ANGPTL5: variants seen among roughly 807,000 people sequenced by gnomAD.
ANGPTL5 encodes angiopoietin-related protein 5.
Under a neutral mutation model 39.4 loss-of-function variants are expected in ANGPTL5, and 34 were observed. The observed-to-expected ratio is 0.86, with a 90% CI of 0.66 to 1.15. The LOEUF (loss-of-function observed/expected upper bound fraction) is 1.15. Ranked by LOEUF, ANGPTL5 falls within the 50% of genes most tolerant of loss-of-function variation. ANGPTL5 has a pLI of 0.00. For missense variants in ANGPTL5, 467 were observed against 457.5 expected, an observed-to-expected ratio of 1.02 and a Z score of -0.19; for synonymous variants, 146 against 152.1, an observed-to-expected ratio of 0.96 and a Z score of 0.29.
intron 7 of ANGPTL5, among the ~76,000 whole-genome samples, chr11:101,898,372 C>G (rs1302594017): frequency 6.6e-6 from 1 of 152,032 alleles, no homozygotes; most frequent in East Asian, 1.9e-4. Context: ...CTTCACATAC[C>G]TTGTAAGTTG....
chr11:101,898,708 T>A (rs1179898770), intron 7 of ANGPTL5, among the ~76,000 whole-genome samples: 1 of 152,212 alleles, frequency 6.6e-6, no homozygotes, highest in African/African-American at 2.4e-5. Flanking sequence ...AGAGAGGGCA[T>A]CCTTGTCTTG....
intron 6 of ANGPTL5, among the ~76,000 whole-genome samples, chr11:101,901,015 CTTTTTTTTTT>C (rs34425298): frequency 1.0e-5 from 1 of 98,658 alleles, no homozygotes; most frequent in Non-Finnish European, 1.9e-5. Context: ...GCACCCCCGG[CTTTTTTTTTT>C]TTTTTTTTTT....
At position 101,895,081 on chromosome 11, in the gene ANGPTL5, T is replaced by C. The variant is rs753998523; in HGVS notation, c.662-17A>G. On this transcript the variant is annotated splice_polypyrimidine_tract_variant and intron_variant, in intron 7 of 8. Coordinates refer to ENST00000334289, the MANE Select transcript of ANGPTL5 (RefSeq NM_178127.5). ...AAAATTCTCCTGTAAAAAAAATGCTTTGTTTTAATATATTTTAATACAAAT... is the reference window on the plus strand; with the variant it reads ...AAAATTCTCCTGTAAAAAAAATGCTCTGTTTTAATATATTTTAATACAAAT... 1.3e-5 allele frequency: 20 copies of C among 1,503,662 alleles called. No homozygotes were observed. The South Asian group carries it at 2.4e-4, about 18-fold the overall frequency. The allele number at this position is 1,503,662 out of a possible 1,614,324, so 93.1% of individuals were successfully genotyped here.
In ANGPTL5 at chr11:101,907,890, G is replaced by T. The variant is rs1233678967; in HGVS notation, c.20C>A (p.Ala7Asp). MMSPSQ[A>D]SLLFLNVCIF... Reference sequence around the variant, plus strand: ...ACATACATTTAAGAATAAGAGTGAGGCTTGGGATGGAGACATCATATTTTT... The same window carrying T: ...ACATACATTTAAGAATAAGAGTGAGTCTTGGGATGGAGACATCATATTTTT... Residue 7 changes from alanine to aspartate, a missense_variant, in exon 2 of 9, where the codon GCC (alanine) becomes GAC (aspartate). Transcript: ENST00000334289. 1.2e-6 allele frequency: 2 copies of T among 1,608,234 alleles called. No homozygotes were observed. The highest frequency in any genetic ancestry group is 1.1e-5 in the South Asian group (1 of 90,948).
chr11:101,900,901 G>A (rs1565339949), intron 6 of ANGPTL5, among the ~76,000 whole-genome samples: 1 of 151,478 alleles, frequency 6.6e-6, no homozygotes, highest in Non-Finnish European at 1.5e-5. Context: ...GCCCAGGCTG[G>A]AGTGCAGTGG....
In ANGPTL5 at chr11:101,905,574, C is replaced by T. The variant is rs968186445; in HGVS notation, c.345+170G>A. On this transcript the variant is annotated intron_variant, in intron 4 of 8. Transcript: ENST00000334289. ...TAGACCATACCCCTTGAATTAAGTTCGATTTTTTTACTGCTTTTTGTTTGC... is the reference window on the plus strand; with the variant it reads ...TAGACCATACCCCTTGAATTAAGTTTGATTTTTTTACTGCTTTTTGTTTGC... 3.4e-4 allele frequency among the ~76,000 whole-genome samples: 51 copies of T among 152,072 alleles called. 1 individual carries two copies. Among genetic ancestry groups the T allele is most frequent in the Non-Finnish European group, 2.9e-5 (2 of 67,990 alleles).
chr11:101,907,068 A>G, intron 3 of ANGPTL5, 35 bp downstream of exon 3: 1 of 1,438,216 alleles, frequency 7.0e-7, no homozygotes. Flanking sequence ...AATGAATCAT[A>G]TACTCTTATT....
At chr11:101,911,406 G>A (rs1408943835) in intron 1 of ANGPTL5, among the ~76,000 whole-genome samples, 1 of 152,016 alleles carries the variant, frequency 6.6e-6, no homozygotes, top group East Asian at 1.9e-4. Flanking sequence ...TTACAGGCGT[G>A]AGCCACCATG....
Position 101,904,891 on chromosome 11 carries a change from T to C in ANGPTL5, c.362A>G (p.Asn121Ser), listed in dbSNP as rs1939970884. The C allele has an allele frequency of 1.2e-6, 2 of 1,613,148 alleles. No individual in the cohort carries two copies. Among genetic ancestry groups the C allele is most frequent in the African/African-American group, 2.7e-5 (2 of 74,916 alleles). The change falls in exon 5 of 9, where the codon AAT becomes AGT. Residue 121 changes from asparagine (N) to serine (S), a missense_variant. By Grantham distance (46) the Asn-to-Ser change is conservative. Coordinates refer to ENST00000334289, the MANE Select transcript of ANGPTL5 (RefSeq NM_178127.5). ...YLSNQVNELM[N>S]RVLLLTTEVF... ...TTCTGTAGTCAAAAGGAGAACTCTATTCATGAGCTCGTTAACCTAAACACA... is the reference window on the plus strand; with the variant it reads ...TTCTGTAGTCAAAAGGAGAACTCTACTCATGAGCTCGTTAACCTAAACACA...
intron 7 of ANGPTL5, among the ~76,000 whole-genome samples, chr11:101,897,758 C>G (rs1269911485): frequency 6.6e-6 from 1 of 152,092 alleles, no homozygotes; most frequent in African/African-American, 2.4e-5. Context: ...GTTACTGTAG[C>G]CTTGTAGTAT....
Position 101,891,228 on chromosome 11 carries a change from A to T in ANGPTL5, c.*51T>A. ...CTAAGTGAAAAGATAAACTTTTAAA[A>T]ATCTTTAATATATTATCATTGTAGA... On this transcript the variant is annotated 3_prime_UTR_variant, in exon 9 of 9. Transcript: ENST00000334289. The T allele has an allele frequency of 3.3e-6, 5 of 1,497,692 alleles. No homozygotes were observed. Among genetic ancestry groups the T allele is most frequent in the Non-Finnish European group, 4.5e-6 (5 of 1,100,252 alleles). The allele number at this position is 1,497,692 out of a possible 1,614,324, so 92.8% of individuals were successfully genotyped here.
At chr11:101,915,365 C>A in intron 1 of ANGPTL5, 1 of 1,613,940 alleles carries the variant, frequency 6.2e-7, no homozygotes, top group Non-Finnish European at 8.5e-7. Flanking sequence ...ACAGAGCCCC[C>A]CTCGGCCCTC....
intron 6 of ANGPTL5, among the ~76,000 whole-genome samples, chr11:101,902,009 A>G (rs1240202093): frequency 1.3e-5 from 2 of 151,970 alleles, no homozygotes; most frequent in East Asian, 3.8e-4. Flanking sequence ...CATAGTCTCT[A>G]GTAGAAATTT....
intron 3 of ANGPTL5, 21 bp from the exon 4 acceptor site, chr11:101,905,868 G>T (rs558602393): frequency 2.2e-6 from 3 of 1,336,124 alleles, no homozygotes; most frequent in South Asian, 2.4e-5. Context: ...ATAAAAAGTG[G>T]CTGTTAAATA....
chr11:101,902,646 G>A lies in ANGPTL5; in HGVS notation c.515C>T (p.Pro172Leu). The part of the protein sequence containing the change: ...KTPSGLYIIH[P>L]EGSSYPFEVM... Reference sequence around the variant, plus strand: ...CTCAAATGGGTAGCTAGATCCTTCTGGGTGAATTATGTATAAACCACTCGG... The same window carrying A: ...CTCAAATGGGTAGCTAGATCCTTCTAGGTGAATTATGTATAAACCACTCGG... Residue 172 changes from proline (P) to leucine (L), a missense_variant, in exon 6 of 9, where the codon CCA (proline) becomes CTA (leucine). Physicochemically the swap from Pro to Leu is moderately conservative, Grantham distance 98 (BLOSUM62 -3). Coordinates refer to ENST00000334289, the MANE Select transcript of ANGPTL5 (RefSeq NM_178127.5). 6.2e-7 allele frequency: 1 copy of A among 1,608,600 alleles called. No individual in the cohort carries two copies. The highest frequency in any genetic ancestry group is 1.3e-5 in the African/African-American group (1 of 74,894).
At chr11:101,914,974 A>G (rs993024948) in intron 1 of ANGPTL5, 8 of 322,730 alleles carry the variant, frequency 2.5e-5, no homozygotes, top group African/African-American at 1.1e-4. Flanking sequence ...TCCCGCCCCG[A>G]CCTGTAGCTC....
rs758397659 is a variant in ANGPTL5 at position 101,905,792 on chromosome 11, C to T, written c.297G>A (p.Arg99=). The T allele has an allele frequency of 1.2e-6, 2 of 1,612,258 alleles. No homozygotes were observed. The highest frequency in any genetic ancestry group is 2.2e-5 in the South Asian group (2 of 91,012). ...SYTRSTKKLL[R]NMMDEQQASL... ...AAGCTTGTTGCTCATCCATCATATTCCTTAGTAGTTTTTTGGTACTTCTTG... is the reference window on the plus strand; with the variant it reads ...AAGCTTGTTGCTCATCCATCATATTTCTTAGTAGTTTTTTGGTACTTCTTG... Residue 99 remains arginine, a synonymous_variant, in exon 4 of 9, where the codon AGG becomes AGA. Coordinates refer to ENST00000334289, the MANE Select transcript of ANGPTL5 (RefSeq NM_178127.5).
chr11:101,903,853 C>A (rs1008054800), intron 5 of ANGPTL5, among the ~76,000 whole-genome samples: 2 of 151,704 alleles, frequency 1.3e-5, no homozygotes, highest in Non-Finnish European at 2.9e-5. Context: ...AGCAAGCAAG[C>A]CCTTATATTG....
At chr11:101,898,504 G>A (rs1939838441) in intron 7 of ANGPTL5, among the ~76,000 whole-genome samples, 1 of 152,208 alleles carries the variant, frequency 6.6e-6, no homozygotes, top group Non-Finnish European at 1.5e-5. Context: ...TGTGTCCTGA[G>A]ACTTTGCTGA....
Sources: gnomAD v4.1 joint callset for allele counts (sites outside exome capture counted in the v4.1 genomes callset) on GRCh38, gnomAD v4.1.1 for gene constraint, MANE v1.5 for transcripts, NCBI Gene and HGNC (gene_info 2026-07-23, HGNC 2026-07-21) for gene names.